The following RAP1GAP2 variants were observed in gnomAD, a reference collection of about 807,000 sequenced individuals.
The protein encoded by RAP1GAP2 is RAP1 GTPase activating protein 2, also known as rap1 GTPase-activating protein 2.
A neutral mutation model predicts 95.0 loss-of-function variants in RAP1GAP2; 27 were observed. The ratio of observed to expected loss-of-function variants is 0.28; its 90% CI spans 0.21 to 0.39. The LOEUF is 0.39. Ranked by LOEUF, RAP1GAP2 falls within the 10% of genes least tolerant of loss-of-function variation. RAP1GAP2 has a pLI of 1.00. For synonymous variants in RAP1GAP2, 373 were observed against 380.9 expected (o/e 0.98, Z 0.24); for missense variants, 771 against 970.0 (o/e 0.79, Z 2.72).
chr17:3,015,038 G>A (rs1026616002), intron 17 of RAP1GAP2, among the ~76,000 whole-genome samples: 5 of 152,112 alleles, frequency 3.3e-5, no homozygotes, highest in South Asian at 4.2e-4. Context: ...AAGGAAGCTC[G>A]CCGCTCCTCC....
chr17:2,840,076 A>G (rs1269182739), intron 2 of RAP1GAP2, among the ~76,000 whole-genome samples: 1 of 151,622 alleles, frequency 6.6e-6, no homozygotes, highest in Non-Finnish European at 1.5e-5. Flanking sequence ...CCTGATAACC[A>G]CTGTTGATGT....
At chr17:2,763,364 A>G (rs1231365582) in intron 1 of RAP1GAP2, among the ~76,000 whole-genome samples, 1 of 152,136 alleles carries the variant, frequency 6.6e-6, no homozygotes, top group Non-Finnish European at 1.5e-5. Flanking sequence ...AGGCACATAA[A>G]TAACTAACAT....
intron 3 of RAP1GAP2, among the ~76,000 whole-genome samples, chr17:2,941,668 GT>G (rs59002572): frequency 2.4e-4 from 33 of 135,906 alleles, no homozygotes; most frequent in African/African-American, 3.8e-4. Context: ...TGACTCTTGG[GT>G]TTTTTTTTTT....
intron 2 of RAP1GAP2, among the ~76,000 whole-genome samples, chr17:2,816,642 A>C (rs1205378625): frequency 3.4e-5 from 2 of 58,106 alleles, no homozygotes; most frequent in African/African-American, 8.9e-5. Flanking sequence ...AAACTGTGTT[A>C]AAATATACAT....
At chr17:2,820,956 C>A (rs925014292) in intron 2 of RAP1GAP2, among the ~76,000 whole-genome samples, 1 of 146,374 alleles carries the variant, frequency 6.8e-6, no homozygotes, top group African/African-American at 2.5e-5. Flanking sequence ...AGGCTGCTCT[C>A]GAACTGCTGA....
At chr17:2,874,199 A>G (rs1437364272) in intron 2 of RAP1GAP2, among the ~76,000 whole-genome samples, 2 of 152,220 alleles carry the variant, frequency 1.3e-5, no homozygotes, top group African/African-American at 2.4e-5. Flanking sequence ...AATAAGAGGC[A>G]TAAGATTGAG....
intron 2 of RAP1GAP2, among the ~76,000 whole-genome samples, chr17:2,841,782 G>C (rs1047740748): frequency 2.6e-5 from 4 of 152,160 alleles, no homozygotes; most frequent in African/African-American, 9.7e-5. Context: ...GACTGATGTA[G>C]CCTCTGAGAA....
rs1343909206 is a variant in RAP1GAP2 at position 2,991,749 on chromosome 17, CTATTT to C, written c.914+364_914+368del. Among the ~76,000 whole-genome samples, 4 of 152,206 alleles carry C rather than the reference CTATTT, an allele frequency of 2.6e-5. No homozygotes were observed. The East Asian group carries it at 7.7e-4, about 29-fold the overall frequency. ...CCGTGCAGTTTTGGGGGGAAATGAC[CTATTT>C]TATTTTATTTTTTATTTTTTTATTT... On this transcript the variant is annotated intron_variant, in intron 12 of 24. Coordinates refer to ENST00000254695, the MANE Select transcript of RAP1GAP2 (RefSeq NM_015085.5).
intron 2 of RAP1GAP2, among the ~76,000 whole-genome samples, chr17:2,864,838 A>T (rs1472025014): frequency 6.6e-6 from 1 of 152,160 alleles, no homozygotes; most frequent in Non-Finnish European, 1.5e-5. Context: ...ATTACCTCCA[A>T]ACAAAATGAC....
chr17:2,814,862 A>G (rs1156846683), intron 2 of RAP1GAP2, among the ~76,000 whole-genome samples: 1 of 152,058 alleles, frequency 6.6e-6, no homozygotes, highest in Admixed American at 6.5e-5. Flanking sequence ...GGGAGGGTTG[A>G]CGGCAGCCAT....
At chr17:3,021,305 C>A (rs1239907081) in intron 19 of RAP1GAP2, among the ~76,000 whole-genome samples, 1 of 151,944 alleles carries the variant, frequency 6.6e-6, no homozygotes, top group Non-Finnish European at 1.5e-5. Context: ...TACCCATTAA[C>A]CAACCTCCCT....
In RAP1GAP2 at chr17:2,863,235, C is replaced by T. The variant is rs910375451; in HGVS notation, c.81-42049C>T. ...TACACTTGATCAACCTTCCCTTCTC[C>T]TTCCAGGCAGACTAGTGGGAACCTG... On this transcript the variant is annotated intron_variant, in intron 2 of 24. Coordinates refer to ENST00000254695, the MANE Select transcript of RAP1GAP2 (RefSeq NM_015085.5). 2.3e-4 allele frequency among the ~76,000 whole-genome samples: 35 copies of T among 152,134 alleles called. 1 individual carries two copies. The highest frequency in any genetic ancestry group is 2.1e-4 in the South Asian group (1 of 4,834).
chr17:2,788,444 C>T (rs772948728), intron 1 of RAP1GAP2, among the ~76,000 whole-genome samples: 46 of 152,036 alleles, frequency 3.0e-4, no homozygotes, highest in Non-Finnish European at 5.0e-4. Context: ...TACAGGTGCC[C>T]GCCACCATGC....
At chr17:2,928,118 G>T (rs2043027188) in intron 3 of RAP1GAP2, among the ~76,000 whole-genome samples, 1 of 152,092 alleles carries the variant, frequency 6.6e-6, no homozygotes, top group Non-Finnish European at 1.5e-5. Context: ...GAGAGAGGAA[G>T]AAAAAAGACT....
intron 2 of RAP1GAP2, among the ~76,000 whole-genome samples, chr17:2,868,280 C>T (rs2072696885): frequency 6.6e-6 from 1 of 152,094 alleles, no homozygotes; most frequent in African/African-American, 2.4e-5. Flanking sequence ...GAGGGCCAGG[C>T]CCAGAGGAAG....
At chr17:2,916,390 C>T (rs931717624) in intron 3 of RAP1GAP2, among the ~76,000 whole-genome samples, 2 of 152,214 alleles carry the variant, frequency 1.3e-5, no homozygotes, top group African/African-American at 4.8e-5. Flanking sequence ...TAGGCAGCCA[C>T]TGGCAGTCAT....
intron 2 of RAP1GAP2, among the ~76,000 whole-genome samples, chr17:2,880,738 C>T (rs1299401272): frequency 6.6e-6 from 1 of 152,102 alleles, no homozygotes; most frequent in Non-Finnish European, 1.5e-5. Context: ...TCTTATCTGA[C>T]ATGCTTGGGA....
chr17:2,819,870 A>T (rs542987253), intron 2 of RAP1GAP2, among the ~76,000 whole-genome samples: 3 of 150,616 alleles, frequency 2.0e-5, no homozygotes, highest in Admixed American at 2.0e-4. Context: ...TGTAGCCTCA[A>T]TACCCCCAGG....
chr17:2,776,823 C>CGGAGGAGGAGGAGGAGGAGGAGGAGGA (rs372983882), upstream of RAP1GAP2, among the ~76,000 whole-genome samples: 2 of 144,040 alleles, frequency 1.4e-5, no homozygotes, highest in Admixed American at 6.9e-5. Context: ...CCCGCCGCCC[C>CGGAGGAGGAGGAGGAGGAGGAGGAGGA]GGAGGAGGAG....
Sources: allele counts gnomAD v4.1 joint callset (sites outside exome capture counted in the v4.1 genomes callset), GRCh38; gene constraint gnomAD v4.1.1; transcripts MANE v1.5; gene names NCBI Gene and HGNC (gene_info 2026-07-23, HGNC 2026-07-21).